The following RARB variants were observed in gnomAD, a reference collection of about 807,000 sequenced individuals.
The protein encoded by RARB is retinoic acid receptor beta, also known as HBV-activated protein.
RARB carries 17 observed loss-of-function variants against 51.9 expected under a neutral mutation model. That is an observed-to-expected ratio of 0.33 (90% CI 0.22 to 0.49). The LOEUF is 0.49. Ranked by LOEUF, RARB falls within the 20% of genes least tolerant of loss-of-function variation. The probability of loss-of-function intolerance (pLI) is 0.99; values close to 1 mark genes in which losing one functional copy is unlikely to be tolerated. For synonymous variants in RARB, 215 were observed against 195.4 expected, an observed-to-expected ratio of 1.10 and a Z score of -0.84; for missense variants, 369 against 550.8, an observed-to-expected ratio of 0.67 and a Z score of 3.30.
intron 5 of RARB, chr3:25,174,706 T>C: frequency 1.1e-6 from 1 of 902,500 alleles, no homozygotes; most frequent in Non-Finnish European, 1.5e-6. Flanking sequence ...TCTTGAATTC[T>C]ACTTTTAGTT....
At chr3:24,899,061 T>A (rs1467132224) in intron 2 of RARB, among the ~76,000 whole-genome samples, 1 of 152,186 alleles carries the variant, frequency 6.6e-6, no homozygotes, top group Non-Finnish European at 1.5e-5. Flanking sequence ...TCTAAGATCA[T>A]TTTAGAAATG....
At chr3:25,030,589 T>C (rs943622564) in intron 2 of RARB, among the ~76,000 whole-genome samples, 6 of 152,210 alleles carry the variant, frequency 3.9e-5, no homozygotes, top group Admixed American at 1.3e-4. Flanking sequence ...GGCAATTCTT[T>C]AAATTAATAA....
chr3:25,318,747 A>G (rs1382221970), intron 5 of RARB, among the ~76,000 whole-genome samples: 1 of 152,234 alleles, frequency 6.6e-6, no homozygotes, highest in African/African-American at 2.4e-5. Context: ...AACAGTGCTT[A>G]GCAGAATTGT....
chr3:25,569,309 G>A, intron 3 of RARB, among the ~76,000 whole-genome samples: 1 of 152,192 alleles, frequency 6.6e-6, no homozygotes, highest in East Asian at 1.9e-4. Context: ...AAACTAAAAA[G>A]CAAAGACACC....
intron 2 of RARB, among the ~76,000 whole-genome samples, chr3:24,889,675 A>AGTGTGTTGT (rs1553611137): frequency 7.0e-6 from 1 of 142,868 alleles, no homozygotes; most frequent in Non-Finnish European, 1.5e-5. Context: ...CACCTCTTAA[A>AGTGTGTTGT]GTGTGTGTGT....
At chr3:25,257,045 A>C (rs1411228022) in intron 5 of RARB, among the ~76,000 whole-genome samples, 1 of 152,164 alleles carries the variant, frequency 6.6e-6, no homozygotes, top group Non-Finnish European at 1.5e-5. Flanking sequence ...ACCAAGGGAA[A>C]TGTAAGCTCA....
intron 3 of RARB, among the ~76,000 whole-genome samples, chr3:25,557,464 A>G (rs1700107867): frequency 6.6e-6 from 1 of 152,120 alleles, no homozygotes. Flanking sequence ...AGCCAATTAC[A>G]TAAAGCACAC....
At chr3:25,376,217 C>A (rs556575840) in intron 5 of RARB, among the ~76,000 whole-genome samples, 2 of 152,240 alleles carry the variant, frequency 1.3e-5, no homozygotes, top group East Asian at 3.9e-4. Flanking sequence ...GGATATCTTA[C>A]CATTCCCTTA....
At chr3:25,079,575 C>CTG (rs1451742772) in intron 3 of RARB, among the ~76,000 whole-genome samples, 1 of 152,110 alleles carries the variant, frequency 6.6e-6, no homozygotes, top group African/African-American at 2.4e-5. Context: ...TTCTAGTTTG[C>CTG]TGAGGGTTTC....
intron 1 of RARB, among the ~76,000 whole-genome samples, chr3:24,837,597 G>A (rs147654277): frequency 5.9e-4 from 90 of 152,266 alleles, no homozygotes; most frequent in Admixed American, 2.4e-3. Flanking sequence ...AAATTGAAGA[G>A]GTTCAGATTC....
At chr3:24,883,229 A>T (rs1703203295) in intron 2 of RARB, among the ~76,000 whole-genome samples, 1 of 152,194 alleles carries the variant, frequency 6.6e-6, no homozygotes, top group Admixed American at 6.5e-5. Flanking sequence ...TTTTCCCAAA[A>T]GCAAGTTGCA....
intron 3 of RARB, among the ~76,000 whole-genome samples, chr3:25,550,283 A>T (rs1055229896): frequency 4.6e-5 from 7 of 152,180 alleles, no homozygotes; most frequent in African/African-American, 1.4e-4. Flanking sequence ...GTGTGTCTGC[A>T]TCGGCCTGCC....
intron 4 of RARB, among the ~76,000 whole-genome samples, chr3:25,172,591 G>T (rs954375332): frequency 2.0e-5 from 3 of 152,130 alleles, no homozygotes; most frequent in African/African-American, 7.2e-5. Context: ...ACCTTACCCA[G>T]ATCCCTCGTT....
rs1337134156 is a variant in RARB at position 24,901,510 on chromosome 3, G to A, written c.-380+42758G>A. 2.6e-5 allele frequency among the ~76,000 whole-genome samples: 4 copies of A among 151,892 alleles called. No individual in the cohort carries two copies. In the East Asian group the frequency reaches 5.8e-4, roughly 22 times the overall value. On this transcript the variant is annotated intron_variant, in intron 2 of 11. Transcript: ENST00000383772. ...CCTGCCTCAACCTCTCTACTAGCTG[G>A]GACTACAGACAAGTGCCACTGGGCG... is the stretch of plus-strand genomic sequence containing the variant.
chr3:24,935,775 TTACTC>T (rs890479325), intron 2 of RARB, among the ~76,000 whole-genome samples: 30 of 152,262 alleles, frequency 2.0e-4, no homozygotes, highest in African/African-American at 6.3e-4. Context: ...GCTCATGTGA[TTACTC>T]TAATATGGCA....
intron 5 of RARB, among the ~76,000 whole-genome samples, chr3:25,282,083 C>A (rs1190948960): frequency 6.6e-6 from 1 of 152,164 alleles, no homozygotes; most frequent in East Asian, 1.9e-4. Context: ...TATATCAGCC[C>A]TAGTTTAGTA....
At chr3:25,509,833 C>T (rs934346912) in intron 3 of RARB, among the ~76,000 whole-genome samples, 4 of 152,100 alleles carry the variant, frequency 2.6e-5, no homozygotes, top group Non-Finnish European at 5.9e-5. Flanking sequence ...TCCCCTTCCC[C>T]GTCCTCCCAG....
intron 4 of RARB, among the ~76,000 whole-genome samples, chr3:25,143,597 G>A (rs572086691): frequency 8.5e-5 from 13 of 152,186 alleles, no homozygotes; most frequent in East Asian, 3.9e-4. Context: ...ATGCCCACAC[G>A]GTGCCCTGGT....
intron 2 of RARB, among the ~76,000 whole-genome samples, chr3:25,046,564 C>T (rs1384821677): frequency 6.6e-6 from 1 of 152,074 alleles, no homozygotes; most frequent in South Asian, 2.1e-4. Context: ...GTGATTCTCC[C>T]ACCTTAGCCT....
Sources: gnomAD v4.1 joint callset for allele counts (sites outside exome capture counted in the v4.1 genomes callset) on GRCh38, gnomAD v4.1.1 for gene constraint, MANE v1.5 for transcripts, NCBI Gene and HGNC (gene_info 2026-07-23, HGNC 2026-07-21) for gene names.